MBOAT1: variants seen among roughly 807,000 people sequenced by gnomAD.
MBOAT1 encodes the protein membrane-bound glycerophospholipid O-acyltransferase 1.
A neutral mutation model predicts 64.4 loss-of-function variants in MBOAT1; 67 were observed. That is an observed-to-expected ratio of 1.04 (90% CI 0.85 to 1.27). The LOEUF (loss-of-function observed/expected upper bound fraction) is 1.27. Ranked by LOEUF, MBOAT1 falls within the 50% of genes most tolerant of loss-of-function variation. The pLI, the probability that MBOAT1 is intolerant of heterozygous loss-of-function variation, is 0.00. For missense variants in MBOAT1, 563 were observed against 604.6 expected (o/e 0.93, Z 0.72); for synonymous variants, 229 against 218.9 (o/e 1.05, Z -0.41).
At chr6:20,111,823 T>TAC (rs1389143276) in intron 11 of MBOAT1, among the ~76,000 whole-genome samples, 2 of 130,470 alleles carry the variant, frequency 1.5e-5, no homozygotes, top group Non-Finnish European at 3.2e-5. Flanking sequence ...TACATATATA[T>TAC]ACATATATAT....
At position 20,111,835 on chromosome 6, in the gene MBOAT1, C is replaced by CATATATATACATATATATATAT; in HGVS notation, c.1209+1040_1209+1041insATATATATATATGTATATATAT. On this transcript the variant is annotated intron_variant, in intron 11 of 12. Transcript: ENST00000324607. ...ATATACATATATATACATATATATA[C>CATATATATACATATATATATAT]ACATATATATACATATATATATACA... 3.9e-3 allele frequency among the ~76,000 whole-genome samples: 335 copies of CATATATATACATATATATATAT among 86,800 alleles called. 36 individuals are homozygous for CATATATATACATATATATATAT. The highest frequency in any genetic ancestry group is 5.3e-3 in the Non-Finnish European group (224 of 42,364). The allele number at this position is 86,800 out of a possible 152,430, so 56.9% of individuals were successfully genotyped here.
chr6:20,201,877 C>G (rs1034140693), intron 1 of MBOAT1, among the ~76,000 whole-genome samples: 1 of 151,220 alleles, frequency 6.6e-6, no homozygotes, highest in Non-Finnish European at 1.5e-5. Context: ...CCACCCTGCC[C>G]GGCTGGAAAA....
chr6:20,157,583 C>G lies in MBOAT1; in HGVS notation c.100-4814G>C, dbSNP rs115510321. ...ACCTACGTACACTCACATACACAAA[C>G]AGTGATACTCTAAGGAACTCATAAT... On this transcript the variant is annotated intron_variant, in intron 1 of 12. Coordinates refer to ENST00000324607, the MANE Select transcript of MBOAT1 (RefSeq NM_001080480.3). Among the ~76,000 whole-genome samples, 1,421 of 152,220 alleles carry G rather than the reference C, an allele frequency of 9.3e-3. 18 individuals are homozygous for G. The highest frequency in any genetic ancestry group is 0.031 in the African/African-American group (1,291 of 41,524).
intron 4 of MBOAT1, among the ~76,000 whole-genome samples, chr6:20,135,105 G>C (rs750635256): frequency 7.9e-5 from 12 of 151,886 alleles, no homozygotes; most frequent in Admixed American, 1.3e-4. Context: ...AAACGCACTT[G>C]TCAATCATAG....
At chr6:20,110,188 C>A (rs2328399) in intron 11 of MBOAT1, among the ~76,000 whole-genome samples, 1 of 148,960 alleles carries the variant, frequency 6.7e-6, no homozygotes, top group South Asian at 2.1e-4. Context: ...GGATTACAGG[C>A]GTGAGCCACC....
At chr6:20,135,888 C>A (rs967944833) in intron 4 of MBOAT1, among the ~76,000 whole-genome samples, 1 of 152,268 alleles carries the variant, frequency 6.6e-6, no homozygotes, top group Admixed American at 6.5e-5. Flanking sequence ...CAACCTAGAC[C>A]GCTACTGCCA....
intron 2 of MBOAT1, 72 bp from the exon 3 acceptor site, chr6:20,151,334 C>T: frequency 9.1e-7 from 1 of 1,093,254 alleles, no homozygotes; most frequent in Admixed American, 1.8e-5. Flanking sequence ...GTCACCAAAA[C>T]TGTGAATCCA....
chr6:20,107,566 A>T (rs746672962), intron 12 of MBOAT1, among the ~76,000 whole-genome samples: 1 of 152,098 alleles, frequency 6.6e-6, no homozygotes, highest in Non-Finnish European at 1.5e-5. Flanking sequence ...TACATGTGTC[A>T]ATTACTCCCT....
chr6:20,164,148 T>C (rs1761944326), intron 1 of MBOAT1, among the ~76,000 whole-genome samples: 1 of 149,174 alleles, frequency 6.7e-6, no homozygotes, highest in East Asian at 2.0e-4. Flanking sequence ...CAAATATATG[T>C]ATTTAATATA....
chr6:20,192,995 CTTTTTTTTTTTT>C (rs1174816793), intron 1 of MBOAT1, among the ~76,000 whole-genome samples: 5 of 55,048 alleles, frequency 9.1e-5, no homozygotes, highest in South Asian at 1.6e-3. Flanking sequence ...GCTATAATTT[CTTTTTTTTTTTT>C]TTTTTTTTTT....
rs1759766757 is a variant in MBOAT1 at position 20,100,830 on chromosome 6, AT to A, written c.*1455del. Reference sequence around the variant, plus strand: ...ACACCATTGCAGCATATACTTTATTATTATCATCATTATTATTTTCCACAAC... The same window carrying A: ...ACACCATTGCAGCATATACTTTATTATATCATCATTATTATTTTCCACAAC... On this transcript the variant is annotated 3_prime_UTR_variant, in exon 13 of 13. Coordinates refer to ENST00000324607, the MANE Select transcript of MBOAT1 (RefSeq NM_001080480.3). Among the ~76,000 whole-genome samples, 1 of 149,806 alleles carries A rather than the reference AT, an allele frequency of 6.7e-6. No homozygotes were observed. The highest frequency in any genetic ancestry group is 1.5e-5 in the Non-Finnish European group (1 of 67,804).
intron 1 of MBOAT1, among the ~76,000 whole-genome samples, chr6:20,197,595 CA>C (rs1173147840): frequency 6.6e-6 from 1 of 152,150 alleles, no homozygotes; most frequent in African/African-American, 2.4e-5. Context: ...CAAAAGAATG[CA>C]ACATTTGTCT....
chr6:20,115,651 T>C (rs1760296831), intron 9 of MBOAT1, among the ~76,000 whole-genome samples: 1 of 152,222 alleles, frequency 6.6e-6, no homozygotes, highest in South Asian at 2.1e-4. Flanking sequence ...TAAAATTTTT[T>C]AAGCCATCTG....
intron 12 of MBOAT1, among the ~76,000 whole-genome samples, chr6:20,104,111 T>C (rs1003252060): frequency 6.6e-6 from 1 of 152,238 alleles, no homozygotes; most frequent in Non-Finnish European, 1.5e-5. Context: ...GGTAACATAC[T>C]GTACCGGTTT....
chr6:20,100,029 A>G lies in MBOAT1; in HGVS notation c.*2257T>C, dbSNP rs1759747803. Among the ~76,000 whole-genome samples, 1 of 152,166 alleles carries G rather than the reference A, an allele frequency of 6.6e-6. No individual in the cohort carries two copies. ...TAGAGGTTTGACTTCTCCTCATCCC[A>G]TAAGGAGTAATCAATTCTGGGCAGT... On this transcript the variant is annotated 3_prime_UTR_variant, in exon 13 of 13. Coordinates refer to ENST00000324607, the MANE Select transcript of MBOAT1 (RefSeq NM_001080480.3).
intron 1 of MBOAT1, among the ~76,000 whole-genome samples, chr6:20,163,875 T>G (rs1202202): frequency 0.41 from 62,385 of 151,606 alleles, 12,885 homozygotes; most frequent in Middle Eastern, 0.53. Context: ...TGGGCCTCCA[T>G]AAGGAGTGAG....
intron 6 of MBOAT1, among the ~76,000 whole-genome samples, chr6:20,127,401 G>A (rs1581407647): frequency 1.3e-5 from 2 of 152,126 alleles, no homozygotes; most frequent in African/African-American, 4.8e-5. Flanking sequence ...CCAACCCCTG[G>A]GGCTCAGACT....
In MBOAT1 at chr6:20,142,715, G is replaced by A. The variant is rs187423147; in HGVS notation, c.419+1505C>T. On this transcript the variant is annotated intron_variant, in intron 4 of 12. Transcript: ENST00000324607. The stretch of plus-strand genomic sequence containing the variant: ...TCCACCCACCTCAGCCTCCCAAAGT[G>A]CTGGAATTATAGGCATGAGCCACTA... Among the ~76,000 whole-genome samples the A allele has an allele frequency of 1.4e-4, 22 of 152,220 alleles. No homozygotes were observed. In the East Asian group the frequency reaches 4.2e-3, roughly 29 times the overall value.
chr6:20,114,329 G>C (rs1405742678), intron 10 of MBOAT1, among the ~76,000 whole-genome samples: 1 of 152,156 alleles, frequency 6.6e-6, no homozygotes, highest in African/African-American at 2.4e-5. Context: ...AGAAGAGCTT[G>C]CTGCTTCAAG....
Sources: gnomAD v4.1 joint callset for allele counts (sites outside exome capture counted in the v4.1 genomes callset) on GRCh38, gnomAD v4.1.1 for gene constraint, MANE v1.5 for transcripts, NCBI Gene and HGNC (gene_info 2026-07-23, HGNC 2026-07-21) for gene names.